The following FMN1 variants were observed in gnomAD, a reference collection of about 807,000 sequenced individuals.
The protein encoded by FMN1 is formin-1.
A neutral mutation model predicts 132.4 loss-of-function variants in FMN1; 110 were observed. That is an observed-to-expected ratio of 0.83 (90% CI 0.71 to 0.97). FMN1 has a LOEUF of 0.97. Among genes scored for constraint, FMN1 ranks in the 50% least tolerant of loss-of-function variants. The pLI is 0.00. For synonymous variants in FMN1, 722 were observed against 651.7 expected, an observed-to-expected ratio of 1.11 and a Z score of -1.64; for missense variants, 1,792 against 1,705.3, an observed-to-expected ratio of 1.05 and a Z score of -0.90.
At chr15:32,957,147 T>C (rs1313255422) in intron 9 of FMN1, among the ~76,000 whole-genome samples, 2 of 152,060 alleles carry the variant, frequency 1.3e-5, no homozygotes, top group Non-Finnish European at 2.9e-5. Context: ...TCCTTTTACA[T>C]ATCTTACAGA....
chr15:32,956,843 A>G (rs2061780147), intron 9 of FMN1, among the ~76,000 whole-genome samples: 1 of 152,204 alleles, frequency 6.6e-6, no homozygotes, highest in South Asian at 2.1e-4. Flanking sequence ...AAAACCCTAT[A>G]AATTTATGTT....
chr15:33,034,746 T>C (rs1223381756), intron 6 of FMN1, among the ~76,000 whole-genome samples: 1 of 152,176 alleles, frequency 6.6e-6, no homozygotes, highest in South Asian at 2.1e-4. Flanking sequence ...TATAATCTCT[T>C]GCCTGTATTA....
At chr15:33,019,742 C>CGCGGCAGGG (rs1000512119) in intron 6 of FMN1, among the ~76,000 whole-genome samples, 1 of 152,224 alleles carries the variant, frequency 6.6e-6, no homozygotes, top group African/African-American at 2.4e-5. Context: ...CCTCACTGCC[C>CGCGGCAGGG]GCGGCAGGGC....
intron 4 of FMN1, among the ~76,000 whole-genome samples, chr15:33,128,316 C>T (rs1053845610): frequency 1.3e-5 from 2 of 152,174 alleles, no homozygotes; most frequent in Admixed American, 6.5e-5. Flanking sequence ...CTAGGCCCGA[C>T]CATCAACGGG....
chr15:32,776,181 G>C (rs534324508), intron 20 of FMN1, among the ~76,000 whole-genome samples: 1 of 152,196 alleles, frequency 6.6e-6, no homozygotes, highest in East Asian at 1.9e-4. Flanking sequence ...TCTGAACCCA[G>C]GCCATTTCAT....
intron 17 of FMN1, among the ~76,000 whole-genome samples, chr15:32,849,150 A>ATTT (rs76387836): frequency 1.6e-4 from 23 of 140,188 alleles, no homozygotes; most frequent in African/African-American, 5.0e-4. Flanking sequence ...CGCTCAGCTA[A>ATTT]TTTTTTTTTT....
chr15:32,801,341 T>C (rs1239748864), intron 18 of FMN1, among the ~76,000 whole-genome samples: 2 of 152,190 alleles, frequency 1.3e-5, no homozygotes, highest in East Asian at 3.9e-4. Flanking sequence ...TTTCAGCCTT[T>C]TTTTTCTTAT....
chr15:32,850,467 C>G (rs963831575), intron 17 of FMN1, among the ~76,000 whole-genome samples: 1 of 152,094 alleles, frequency 6.6e-6, no homozygotes, highest in Non-Finnish European at 1.5e-5. Context: ...AATGTATTAT[C>G]GACCAAAAAT....
At position 33,134,193 on chromosome 15, in the gene FMN1, C is replaced by A. The variant is rs548833147; in HGVS notation, c.1867+18855G>T. On this transcript the variant is annotated intron_variant, in intron 4 of 20. Coordinates refer to ENST00000616417, the MANE Select transcript of FMN1 (RefSeq NM_001277313.2). ...CAAACTCCTGGGCTCAAGTGATCTT[C>A]CTGTCTCGGCCTCTTAAAGAGCTGG... 2.0e-5 allele frequency among the ~76,000 whole-genome samples: 3 copies of A among 152,308 alleles called. No individual in the cohort carries two copies. In the South Asian group the frequency reaches 6.2e-4, roughly 32 times the overall value.
intron 6 of FMN1, among the ~76,000 whole-genome samples, chr15:33,040,235 G>C (rs1486116661): frequency 6.6e-6 from 1 of 152,112 alleles, no homozygotes; most frequent in African/African-American, 2.4e-5. Context: ...AGTCAGCTCC[G>C]GAAGCCTGTC....
intron 18 of FMN1, among the ~76,000 whole-genome samples, chr15:32,803,702 T>A (rs749113972): frequency 2.6e-5 from 4 of 152,132 alleles, no homozygotes; most frequent in Non-Finnish European, 4.4e-5. Flanking sequence ...GTCTCTTGGG[T>A]GTCTGCAATA....
At chr15:32,983,930 A>T (rs2032879482) in intron 7 of FMN1, among the ~76,000 whole-genome samples, 1 of 152,170 alleles carries the variant, frequency 6.6e-6, no homozygotes, top group Non-Finnish European at 1.5e-5. Flanking sequence ...CTTACATTGC[A>T]GCTACGTGGG....
At position 32,798,866 on chromosome 15, in the gene FMN1, A is replaced by C; in HGVS notation, c.4068T>G (p.Tyr1356Ter). Residue 1356 changes from tyrosine (Y) to a stop codon, truncating the protein, a stop_gained, in exon 19 of 21, where the codon TAT becomes TAG. Coordinates refer to ENST00000616417, the MANE Select transcript of FMN1 (RefSeq NM_001277313.2). LOFTEE classifies it high-confidence loss of function. Reference sequence around the variant, plus strand: ...TTGTCTTGAAGTCACTGCAGAACTCATACCACACCATAAACACGTAGCTGG... The same window carrying C: ...TTGTCTTGAAGTCACTGCAGAACTCCTACCACACCATAAACACGTAGCTGG... ...ITPSYVFMVW[Y>*]EFCSDFKTIW... 1 of 1,613,754 alleles carries C rather than the reference A, an allele frequency of 6.2e-7. No homozygotes were observed. The highest frequency in any genetic ancestry group is 8.5e-7 in the Non-Finnish European group (1 of 1,179,758).
intron 18 of FMN1, among the ~76,000 whole-genome samples, chr15:32,801,180 G>A (rs1191749083): frequency 1.3e-5 from 2 of 152,096 alleles, no homozygotes; most frequent in Non-Finnish European, 2.9e-5. Flanking sequence ...CACAGCCTGA[G>A]AAAAACACAT....
chr15:33,023,061 A>C (rs965230477), intron 6 of FMN1, among the ~76,000 whole-genome samples: 4 of 45,350 alleles, frequency 8.8e-5, no homozygotes, highest in African/African-American at 2.6e-4. Context: ...CCCCCACCCA[A>C]AAAAAAAAAA....
intron 17 of FMN1, among the ~76,000 whole-genome samples, chr15:32,855,732 G>A (rs56047883): frequency 0.26 from 39,541 of 152,042 alleles, 5,710 homozygotes; most frequent in East Asian, 0.39. Context: ...AGTTAATTCT[G>A]CATATGTAAA....
At chr15:32,925,110 T>C (rs2060926157) in intron 10 of FMN1, among the ~76,000 whole-genome samples, 1 of 152,164 alleles carries the variant, frequency 6.6e-6, no homozygotes, top group South Asian at 2.1e-4. Context: ...TATCTAAAAT[T>C]GAGCCAAAGA....
At chr15:32,784,333 A>G (rs1036460192) in intron 19 of FMN1, among the ~76,000 whole-genome samples, 1 of 152,026 alleles carries the variant, frequency 6.6e-6, no homozygotes, top group African/African-American at 2.4e-5. Context: ...TGTTTTATAC[A>G]TTGATGATTT....
chr15:32,887,632 T>C (rs547323769), intron 16 of FMN1, among the ~76,000 whole-genome samples: 1 of 152,218 alleles, frequency 6.6e-6, no homozygotes, highest in Non-Finnish European at 1.5e-5. Context: ...ATATGTATGA[T>C]ATACATATAT....
Sources: allele counts gnomAD v4.1 joint callset (sites outside exome capture counted in the v4.1 genomes callset), GRCh38; gene constraint gnomAD v4.1.1; transcripts MANE v1.5; gene names NCBI Gene and HGNC (gene_info 2026-07-23, HGNC 2026-07-21).